Variants in PARN observed in about 807,000 individuals in gnomAD.
PARN encodes the protein poly(A)-specific ribonuclease PARN.
PARN carries 71 observed loss-of-function variants against 102.8 expected under a neutral mutation model. The ratio of observed to expected loss-of-function variants is 0.69; its 90% CI spans 0.57 to 0.84. The LOEUF (loss-of-function observed/expected upper bound fraction) is 0.84. PARN is among the 40% of genes least tolerant of loss of function. PARN has a pLI of 0.00. For synonymous variants in PARN, 261 were observed against 252.9 expected, an observed-to-expected ratio of 1.03 and a Z score of -0.30; for missense variants, 782 against 760.9, an observed-to-expected ratio of 1.03 and a Z score of -0.33.
intron 22 of PARN, among the ~76,000 whole-genome samples, chr16:14,456,328 C>T (rs1961677739): frequency 6.6e-6 from 1 of 152,020 alleles, no homozygotes; most frequent in South Asian, 2.1e-4. Flanking sequence ...CACTACCACA[C>T]CTGACTAATT....
At chr16:14,498,736 G>GGGTT (rs764723355) in intron 21 of PARN, among the ~76,000 whole-genome samples, 5 of 152,192 alleles carry the variant, frequency 3.3e-5, no homozygotes, top group Admixed American at 6.5e-5. Context: ...TCCAGACTAT[G>GGGTT]GGTTGCCTTG....
At chr16:14,590,274 G>GAAAAA (rs1212064093) in intron 13 of PARN, among the ~76,000 whole-genome samples, 14 of 69,170 alleles carry the variant, frequency 2.0e-4, no homozygotes, top group East Asian at 4.7e-4. Context: ...AAAGAGAAGA[G>GAAAAA]AAAAAAAAAA....
chr16:14,614,567 A>G (rs1971749197), intron 6 of PARN, among the ~76,000 whole-genome samples: 1 of 152,120 alleles, frequency 6.6e-6, no homozygotes, highest in African/African-American at 2.4e-5. Context: ...AAGAAAATTC[A>G]GGGGCCAGGC....
intron 22 of PARN, among the ~76,000 whole-genome samples, chr16:14,477,595 G>A (rs994279956): frequency 6.6e-6 from 1 of 151,762 alleles, no homozygotes; most frequent in Admixed American, 6.6e-5. Flanking sequence ...GGCCAACATG[G>A]TGAAACCTCA....
At chr16:14,613,807 C>A (rs891562236) in intron 6 of PARN, among the ~76,000 whole-genome samples, 16 of 152,112 alleles carry the variant, frequency 1.1e-4, no homozygotes, top group African/African-American at 2.7e-4. Context: ...ACATCACGTG[C>A]CTCCTGGTAT....
chr16:14,559,897 C>G (rs981327866), intron 18 of PARN, among the ~76,000 whole-genome samples: 1 of 152,168 alleles, frequency 6.6e-6, no homozygotes, highest in Non-Finnish European at 1.5e-5. Context: ...GAGCGCCACG[C>G]AATTGTGAAA....
chr16:14,604,273 T>C, intron 10 of PARN, 47 bp from the exon 11 acceptor site: 1 of 1,241,948 alleles, frequency 8.1e-7, no homozygotes, highest in South Asian at 1.3e-5. Flanking sequence ...TTTTTCTTTT[T>C]TTTTGAGACA....
At chr16:14,619,096 G>A (rs1407830166) in intron 5 of PARN, among the ~76,000 whole-genome samples, 1 of 152,040 alleles carries the variant, frequency 6.6e-6, no homozygotes, top group African/African-American at 2.4e-5. Context: ...CCCAGGGGCT[G>A]AGGTAGGAGG....
At chr16:14,524,036 T>G (rs1965873459) in intron 21 of PARN, among the ~76,000 whole-genome samples, 1 of 152,162 alleles carries the variant, frequency 6.6e-6, no homozygotes, top group South Asian at 2.1e-4. Flanking sequence ...AGAAAAGGTA[T>G]AGTAAAAATA....
In PARN at chr16:14,444,306, TC is replaced by T. The variant is rs1961094252; in HGVS notation, c.1864+2581del. ...TAAAAGTTGTCAAGATGTCTCTTTCTCTTTTTTTTTTGGCAGCACTGACAAA... is the reference window on the plus strand; with the variant it reads ...TAAAAGTTGTCAAGATGTCTCTTTCTTTTTTTTTTTGGCAGCACTGACAAA... On this transcript the variant is annotated intron_variant, in intron 23 of 23. Coordinates refer to ENST00000437198, the MANE Select transcript of PARN (RefSeq NM_002582.4). 4.8e-5 allele frequency among the ~76,000 whole-genome samples: 6 copies of T among 126,244 alleles called. No homozygotes were observed. The South Asian group carries it at 1.4e-3, about 30-fold the overall frequency. 82.8% of individuals were successfully genotyped at this position (126,244 alleles called of 152,430 possible). A position where few individuals can be genotyped will look rare whatever the true frequency, so the allele number is the denominator to read the frequency against.
chr16:14,481,091 T>C (rs1963356049), intron 22 of PARN, among the ~76,000 whole-genome samples: 1 of 152,236 alleles, frequency 6.6e-6, no homozygotes, highest in Non-Finnish European at 1.5e-5. Flanking sequence ...GAAGAGCTGT[T>C]GCTTTGTTCT....
intron 11 of PARN, chr16:14,602,241 C>T (rs1024517820): frequency 6.6e-6 from 1 of 152,190 alleles, no homozygotes; most frequent in African/African-American, 2.4e-5. Context: ...TTTTTCTCTC[C>T]TCCCTTGGCT....
chr16:14,615,966 G>T (rs1971872540), intron 6 of PARN, among the ~76,000 whole-genome samples: 1 of 151,294 alleles, frequency 6.6e-6, no homozygotes, highest in Non-Finnish European at 1.5e-5. Context: ...AGGTTCTGCT[G>T]AGAATAGGAG....
intron 22 of PARN, among the ~76,000 whole-genome samples, chr16:14,462,798 C>G (rs186838534): frequency 1.7e-4 from 26 of 152,280 alleles, no homozygotes; most frequent in African/African-American, 6.3e-4. Context: ...GATGGAATAA[C>G]ATAGACTGAT....
At chr16:14,440,172 C>G (rs1469403467) in intron 23 of PARN, among the ~76,000 whole-genome samples, 1 of 151,870 alleles carries the variant, frequency 6.6e-6, no homozygotes, top group Non-Finnish European at 1.5e-5. Flanking sequence ...AATAAACAAC[C>G]CTAGAACAAA....
rs183536712 is a variant in PARN at position 14,502,360 on chromosome 16, C to T, written c.1481-19533G>A. On this transcript the variant is annotated intron_variant, in intron 21 of 23. Coordinates refer to ENST00000437198, the MANE Select transcript of PARN (RefSeq NM_002582.4). Reference sequence around the variant, plus strand: ...GGGTCAGAACACACTACTGTTTCTCCTCTAGGACATCAGAGGAAGACGATG... The same window carrying T: ...GGGTCAGAACACACTACTGTTTCTCTTCTAGGACATCAGAGGAAGACGATG... Among the ~76,000 whole-genome samples, 15 of 152,302 alleles carry T rather than the reference C, an allele frequency of 9.8e-5. No homozygotes were observed. In the East Asian group the frequency reaches 2.7e-3, roughly 27 times the overall value.
intron 23 of PARN, among the ~76,000 whole-genome samples, chr16:14,444,505 T>C (rs1386319831): frequency 6.6e-6 from 1 of 152,204 alleles, no homozygotes; most frequent in Non-Finnish European, 1.5e-5. Flanking sequence ...AAGGAACTAA[T>C]CTATTAATGC....
intron 19 of PARN, among the ~76,000 whole-genome samples, chr16:14,554,556 G>A (rs1967540021): frequency 6.6e-6 from 1 of 151,340 alleles, no homozygotes; most frequent in Non-Finnish European, 1.5e-5. Flanking sequence ...TCAACCTCCT[G>A]AGCAGCTGAG....
chr16:14,463,127 C>A (rs895000915), intron 22 of PARN, among the ~76,000 whole-genome samples: 2 of 152,192 alleles, frequency 1.3e-5, no homozygotes, highest in African/African-American at 4.8e-5. Flanking sequence ...CCTGTTCCCA[C>A]CAGCTAACTT....
Sources: allele counts gnomAD v4.1 joint callset (sites outside exome capture counted in the v4.1 genomes callset), GRCh38; gene constraint gnomAD v4.1.1; transcripts MANE v1.5; gene names NCBI Gene and HGNC (gene_info 2026-07-23, HGNC 2026-07-21).